DTX1: variants seen among roughly 807,000 people sequenced by gnomAD.
DTX1 encodes the protein E3 ubiquitin-protein ligase DTX1.
Under a neutral mutation model 57.8 loss-of-function variants are expected in DTX1, and 26 were observed. That is an observed-to-expected ratio of 0.45 (90% CI 0.33 to 0.62). DTX1 has a LOEUF of 0.62. Ranked by LOEUF, DTX1 falls within the 20% of genes least tolerant of loss-of-function variation. DTX1 has a pLI of 0.02. For synonymous variants in DTX1, 398 were observed against 394.1 expected (o/e 1.01, Z -0.12); for missense variants, 704 against 895.3 (o/e 0.79, Z 2.73).
chr12:113,079,041 T>A (rs1424295534), intron 3 of DTX1, among the ~76,000 whole-genome samples: 1 of 152,034 alleles, frequency 6.6e-6, no homozygotes, highest in Non-Finnish European at 1.5e-5. Flanking sequence ...CCAGCTTGTA[T>A]CAAGTTTGCA....
At chr12:113,079,428 C>T (rs998503301) in intron 3 of DTX1, among the ~76,000 whole-genome samples, 12 of 151,700 alleles carry the variant, frequency 7.9e-5, no homozygotes, top group African/African-American at 2.9e-4. Context: ...AAGGAAAGGC[C>T]AGGACCCTGA....
intron 2 of DTX1, among the ~76,000 whole-genome samples, chr12:113,072,343 A>G (rs2044742755): frequency 6.6e-6 from 1 of 152,218 alleles, no homozygotes; most frequent in Non-Finnish European, 1.5e-5. Context: ...GTGAGGACAG[A>G]CATGCAATAA....
intron 3 of DTX1, among the ~76,000 whole-genome samples, chr12:113,083,421 G>A (rs2044832475): frequency 6.6e-6 from 1 of 152,064 alleles, no homozygotes; most frequent in South Asian, 2.1e-4. Context: ...CACCTCCCAG[G>A]TTCAAGTGAT....
chr12:113,088,550 T>C (rs2136064891), intron 3 of DTX1, among the ~76,000 whole-genome samples: 1 of 152,382 alleles, frequency 6.6e-6, no homozygotes, highest in East Asian at 1.9e-4. Context: ...ATGGCACATG[T>C]ATACATATTT....
At position 113,057,865 on chromosome 12, in the gene DTX1, G is replaced by A; in HGVS notation, c.-328G>A. 3.1e-6 allele frequency: 1 copy of A among 327,450 alleles called. No homozygotes were observed. The highest frequency in any genetic ancestry group is 5.4e-5 in the South Asian group (1 of 18,428). 20.3% of individuals were successfully genotyped at this position (327,450 alleles called of 1,614,324 possible). On this transcript the variant is annotated 5_prime_UTR_variant, in exon 2 of 10. Coordinates refer to ENST00000548759, the MANE Select transcript of DTX1 (RefSeq NM_004416.3). ...CGGAAGAGGCTGGACCTCGAACAGGGGCGGCTGCCTCACTCCCTACCTGAG... is the reference window on the plus strand; with the variant it reads ...CGGAAGAGGCTGGACCTCGAACAGGAGCGGCTGCCTCACTCCCTACCTGAG...
chr12:113,066,929 T>A (rs2044707419), intron 2 of DTX1, among the ~76,000 whole-genome samples: 1 of 152,020 alleles, frequency 6.6e-6, no homozygotes, highest in African/African-American at 2.4e-5. Context: ...CCCGCATAGT[T>A]GTGTCCTTGC....
Position 113,082,731 on chromosome 12 carries a change from G to A in DTX1, c.941+4626G>A, listed in dbSNP as rs370804089. Among the ~76,000 whole-genome samples the A allele has an allele frequency of 2.6e-3, 391 of 152,312 alleles. 9 individuals are homozygous for A. In the South Asian group the frequency reaches 0.032, roughly 12 times the overall value. On this transcript the variant is annotated intron_variant, in intron 3 of 9. Transcript: ENST00000548759. The stretch of plus-strand genomic sequence containing the variant: ...CTGATTCAGCCTCCCAAGTAGGTGG[G>A]ACTACAGGCACGCACCACCACACCC...
chr12:113,067,835 C>G (rs2044713936), intron 2 of DTX1, among the ~76,000 whole-genome samples: 1 of 151,698 alleles, frequency 6.6e-6, no homozygotes, highest in Non-Finnish European at 1.5e-5. Context: ...AGTTTAAGAC[C>G]AGCCTGAGCA....
chr12:113,085,607 A>G (rs911006469), intron 3 of DTX1, among the ~76,000 whole-genome samples: 13 of 152,196 alleles, frequency 8.5e-5, no homozygotes, highest in Non-Finnish European at 7.3e-5. Flanking sequence ...TTCTTCCTGC[A>G]TTAAGGGCAT....
Position 113,056,733 on chromosome 12 carries a change from C to T in DTX1, c.-956C>T, listed in dbSNP as rs1003900391. On this transcript the variant is annotated 5_prime_UTR_variant, in exon 1 of 10. Coordinates refer to ENST00000548759, the MANE Select transcript of DTX1 (RefSeq NM_004416.3). ...AGCACGGCCGAGGCCTCCTCCCACC[C>T]GCGAGATCCCGGCGGCCGCCAGCCG... 9 of 152,214 alleles carry T rather than the reference C, an allele frequency of 5.9e-5. No individual in the cohort carries two copies. Among genetic ancestry groups the T allele is most frequent in the African/African-American group, 2.2e-4 (9 of 41,458 alleles). 9.4% of individuals were successfully genotyped at this position (152,214 alleles called of 1,614,324 possible).
chr12:113,083,243 G>T (rs2044830755), intron 3 of DTX1, among the ~76,000 whole-genome samples: 1 of 152,194 alleles, frequency 6.6e-6, no homozygotes, highest in Admixed American at 6.5e-5. Context: ...CTGAGGTCCT[G>T]AGGCTTAAGG....
rs2136419324 is a variant in DTX1, at chr12:113,056,960, C to G, written c.-745+16C>G. The stretch of plus-strand genomic sequence containing the variant: ...AAGAGAGGCGGTGAGAACGCGGGTG[C>G]TTAGGGACCCCACCCCCGGCTCCCG... On this transcript the variant is annotated intron_variant, in intron 1 of 9. Coordinates refer to ENST00000548759, the MANE Select transcript of DTX1 (RefSeq NM_004416.3). 1.3e-5 allele frequency: 2 copies of G among 152,568 alleles called. No individual in the cohort carries two copies. The highest frequency in any genetic ancestry group is 6.5e-5 in the Admixed American group (1 of 15,304). The allele number at this position is 152,568 out of a possible 1,614,324, so 9.5% of individuals were successfully genotyped here.
rs11325819 is a variant in DTX1, at chr12:113,097,544, AG to A, written c.*606del. The A allele has an allele frequency of 0.79, 120,750 of 152,294 alleles. 47,921 individuals are homozygous for A. Among genetic ancestry groups the A allele is most frequent in the Admixed American group, 0.84 (12,841 of 15,298 alleles). The allele number at this position is 152,294 out of a possible 1,614,324, so 9.4% of individuals were successfully genotyped here. A position where few individuals can be genotyped will look rare whatever the true frequency, so the allele number is the denominator to read the frequency against. Reference sequence around the variant, plus strand: ...CCAGATGACTGAGCAGTTCTACAAAAGAATGGCCAGCACGAGCGGGGACTAG... The same window carrying A: ...CCAGATGACTGAGCAGTTCTACAAAAAATGGCCAGCACGAGCGGGGACTAG... On this transcript the variant is annotated 3_prime_UTR_variant, in exon 10 of 10. Coordinates refer to ENST00000548759, the MANE Select transcript of DTX1 (RefSeq NM_004416.3).
At chr12:113,090,791 T>C (rs1052582149) in intron 3 of DTX1, among the ~76,000 whole-genome samples, 43 of 152,178 alleles carry the variant, frequency 2.8e-4, no homozygotes, top group African/African-American at 1.0e-3. Context: ...GCGCTGCACC[T>C]GTGTGCATGT....
chr12:113,072,607 G>A (rs1301831544), intron 2 of DTX1, among the ~76,000 whole-genome samples: 7 of 151,996 alleles, frequency 4.6e-5, no homozygotes, highest in African/African-American at 1.7e-4. Context: ...AATTCTTTGG[G>A]GTAGATATTA....
intron 2 of DTX1, among the ~76,000 whole-genome samples, chr12:113,065,818 G>A (rs1819407582): frequency 6.6e-6 from 1 of 151,876 alleles, no homozygotes; most frequent in African/African-American, 2.4e-5. Flanking sequence ...GGGAGGCCAA[G>A]GGGTTGGGGC....
At chr12:113,063,002 T>C (rs1200285499) in intron 2 of DTX1, among the ~76,000 whole-genome samples, 1 of 152,114 alleles carries the variant, frequency 6.6e-6, no homozygotes, top group Non-Finnish European at 1.5e-5. Flanking sequence ...TCAATCACGG[T>C]GGTGTCCCAG....
intron 2 of DTX1, among the ~76,000 whole-genome samples, chr12:113,067,379 G>A (rs1409466551): frequency 6.6e-6 from 1 of 152,152 alleles, no homozygotes; most frequent in East Asian, 1.9e-4. Flanking sequence ...CTGGCCCTGT[G>A]GAAATGACAG....
At chr12:113,088,772 C>T (rs1202071955) in intron 3 of DTX1, among the ~76,000 whole-genome samples, 1 of 152,186 alleles carries the variant, frequency 6.6e-6, no homozygotes, top group Non-Finnish European at 1.5e-5. Context: ...GGGAGGACTA[C>T]TTGAGCCCAG....
Sources: gnomAD v4.1 joint callset for allele counts (sites outside exome capture counted in the v4.1 genomes callset) on GRCh38, gnomAD v4.1.1 for gene constraint, MANE v1.5 for transcripts, NCBI Gene and HGNC (gene_info 2026-07-23, HGNC 2026-07-21) for gene names.